Variants in INCENP observed in about 807,000 individuals in gnomAD.
The protein encoded by INCENP is inner centromere protein.
A neutral mutation model predicts 107.3 loss-of-function variants in INCENP; 43 were observed. The observed-to-expected ratio is 0.40, with a 90% CI of 0.31 to 0.52. INCENP has a LOEUF of 0.52. INCENP is among the 20% of genes least tolerant of loss of function. The pLI is 0.53. For synonymous variants in INCENP, 488 were observed against 494.4 expected (o/e 0.99, Z 0.17); for missense variants, 1,089 against 1,250.9 (o/e 0.87, Z 1.95).
chr11:62,149,271 A>G (rs550344717), intron 17 of INCENP, among the ~76,000 whole-genome samples: 52 of 151,566 alleles, frequency 3.4e-4, no homozygotes, highest in African/African-American at 1.3e-3. Context: ...GTTTTTTTTC[A>G]CTTAGTATAT....
rs1375951875 is a variant in INCENP, at chr11:62,133,082, C to T, written c.1063+2492C>T. 5.3e-5 allele frequency among the ~76,000 whole-genome samples: 8 copies of T among 152,030 alleles called. No homozygotes were observed. In the East Asian group the frequency reaches 9.7e-4, roughly 18 times the overall value. On this transcript the variant is annotated intron_variant, in intron 4 of 18. Coordinates refer to ENST00000394818, the MANE Select transcript of INCENP (RefSeq NM_001040694.2). The stretch of plus-strand genomic sequence containing the variant: ...GCTGCAAGGGTGTCAGGGAGTGGGG[C>T]GGTGACAGGGGAGGAGGCTTCCTGG...
chr11:62,124,680 GCCAAGAC>G (rs1943712279), intron 1 of INCENP, among the ~76,000 whole-genome samples: 2 of 152,232 alleles, frequency 1.3e-5, no homozygotes, highest in African/African-American at 4.8e-5. Flanking sequence ...GTTGCCCAGA[GCCAAGAC>G]TGGGCACCTG....
intron 15 of INCENP, among the ~76,000 whole-genome samples, chr11:62,148,011 A>G (rs1364680516): frequency 6.6e-6 from 1 of 152,134 alleles, no homozygotes; most frequent in African/African-American, 2.4e-5. Context: ...ACAGGTCCAG[A>G]GAGGTTAAAT....
In INCENP at chr11:62,146,878, A is replaced by G. The variant is rs1944263002; in HGVS notation, c.2180A>G (p.Glu727Gly). The G allele has an allele frequency of 6.3e-7, 1 of 1,598,114 alleles. No homozygotes were observed. The highest frequency in any genetic ancestry group is 1.7e-5 in the Admixed American group (1 of 58,740). Reference protein sequence around the residue: ...RQLAEQERRREQERLQAEREL... With the variant: ...RQLAEQERRRGQERLQAEREL... ...CTGGCAGAGCAGGAGCGTCGGCGGG[A>G]GCAGGAGCGGCTCCAGGCCGAGAGG... The change falls in exon 15 of 19, where the codon GAG (glutamate) becomes GGG (glycine). Residue 727 changes from glutamate (E) to glycine (G), a missense_variant. Glu to Gly is a moderately conservative substitution (Grantham distance 98, BLOSUM62 -2). Coordinates refer to ENST00000394818, the MANE Select transcript of INCENP (RefSeq NM_001040694.2).
intron 14 of INCENP, among the ~76,000 whole-genome samples, chr11:62,146,055 C>G (rs139341528): frequency 6.6e-6 from 1 of 152,322 alleles, no homozygotes; most frequent in Non-Finnish European, 1.5e-5. Context: ...GCTTCCATGT[C>G]TTCAAGTAGC....
At chr11:62,128,109 C>G in intron 1 of INCENP, 42 bp from the exon 2 acceptor site, 1 of 1,609,656 alleles carries the variant, frequency 6.2e-7, no homozygotes, top group Non-Finnish European at 8.5e-7. Context: ...AGACCCCTAC[C>G]CTGGGCCCCT....
chr11:62,144,792 G>A, intron 11 of INCENP, 190 bp from the exon 12 acceptor site: 1 of 764,698 alleles, frequency 1.3e-6, no homozygotes, highest in Non-Finnish European at 2.4e-6. Flanking sequence ...GCTCCTGGGA[G>A]GAAAGGCGGG....
chr11:62,137,262 C>T lies in INCENP; in HGVS notation c.1064-570C>T, dbSNP rs113959004. On this transcript the variant is annotated intron_variant, in intron 4 of 18. Coordinates refer to ENST00000394818, the MANE Select transcript of INCENP (RefSeq NM_001040694.2). ...TGGTTGCAGTGAGCTGAGATTGTTC[C>T]ACTACACACCAGCCTGGGCAACAGA... is the stretch of plus-strand genomic sequence containing the variant. 4.5e-3 allele frequency among the ~76,000 whole-genome samples: 681 copies of T among 152,260 alleles called. 4 individuals carry two copies. The highest frequency in any genetic ancestry group is 0.016 in the African/African-American group (653 of 41,530).
chr11:62,130,578 G>A lies in INCENP; in HGVS notation c.1051G>A (p.Gly351Ser), dbSNP rs775300731. 4 of 1,611,598 alleles carry A rather than the reference G, an allele frequency of 2.5e-6. No individual in the cohort carries two copies. The highest frequency in any genetic ancestry group is 3.4e-6 in the Non-Finnish European group (4 of 1,178,810). The change falls in exon 4 of 19, where the codon GGC becomes AGC. Residue 351 changes from glycine (G) to serine (S), a missense_variant. Transcript: ENST00000394818. ...KKTAEEPAASGRIICHSYLER... is the reference protein window; with the variant it reads ...KKTAEEPAASSRIICHSYLER... ...GACTGCCGAAGAGCCAGCTGCCTCT[G>A]GCCGCATCATCTGTGAGTCTGGGGG...
chr11:62,147,590 C>T (rs944362281), intron 15 of INCENP, among the ~76,000 whole-genome samples: 3 of 152,182 alleles, frequency 2.0e-5, no homozygotes, highest in Non-Finnish European at 2.9e-5. Context: ...GCACAAGGCC[C>T]GTGTGTGTGA....
chr11:62,127,039 T>G (rs920167757), intron 1 of INCENP, among the ~76,000 whole-genome samples: 51 of 92,844 alleles, frequency 5.5e-4, no homozygotes, highest in South Asian at 5.0e-3. Context: ...AAGTTTTTTG[T>G]TTTGTTTTTT....
At position 62,145,105 on chromosome 11, in the gene INCENP, C is replaced by T; in HGVS notation, c.1715+14C>T. 6.2e-7 allele frequency: 1 copy of T among 1,613,884 alleles called. No individual in the cohort carries two copies. The highest frequency in any genetic ancestry group is 2.2e-5 in the East Asian group (1 of 44,882). ...GGAGGTGAAGCTGTAAGTGGCCTGG[C>T]TTCCTGGACTGTGGCCCATCCCAGC... On this transcript the variant is annotated intron_variant, in intron 12 of 18. Coordinates refer to ENST00000394818, the MANE Select transcript of INCENP (RefSeq NM_001040694.2).
intron 10 of INCENP, among the ~76,000 whole-genome samples, 178 bp from the exon 11 acceptor site, chr11:62,141,322 T>C (rs1944117080): frequency 6.6e-6 from 1 of 152,098 alleles, no homozygotes; most frequent in Non-Finnish European, 1.5e-5. Context: ...TGAGAGGTAC[T>C]TGTGGACACC....
chr11:62,130,691 C>G, intron 4 of INCENP, 101 bp downstream of exon 4: 1 of 1,049,826 alleles, frequency 9.5e-7, no homozygotes, highest in Admixed American at 2.5e-5. Flanking sequence ...AGAGAGCTTT[C>G]TGCAGTGAGG....
chr11:62,145,584 T>C (rs577953934), intron 13 of INCENP, 45 bp from the exon 14 acceptor site: 14 of 1,566,620 alleles, frequency 8.9e-6, no homozygotes, highest in South Asian at 8.4e-5. Context: ...CTCTGCAGGA[T>C]TGAATGTGGG....
Position 62,128,304 on chromosome 11 carries a change from G to A in INCENP, c.140+3G>A, listed in dbSNP as rs771255730. ...GAGGCCGAGCGCATGTTCACCAGGT[G>A]AAGACGGGCACAGTGAGAGGCTGGG... On this transcript the variant is annotated splice_donor_region_variant and intron_variant, in intron 2 of 18. Coordinates refer to ENST00000394818, the MANE Select transcript of INCENP (RefSeq NM_001040694.2). 1 of 1,613,938 alleles carries A rather than the reference G, an allele frequency of 6.2e-7. No individual in the cohort carries two copies. Among genetic ancestry groups the A allele is most frequent in the African/African-American group, 1.3e-5 (1 of 74,942 alleles).
rs759740436 is a variant in INCENP, at chr11:62,129,919, C to T, written c.392C>T (p.Ala131Val). The change falls in exon 4 of 19, where the codon GCT becomes GTT. Residue 131 changes from alanine to valine, a missense_variant. Transcript: ENST00000394818. ...CGTGTGACCCGTGCTGCGGCTGCAGCTGCCGCGGCTACCATGGCATTGGCT... is the reference window on the plus strand; with the variant it reads ...CGTGTGACCCGTGCTGCGGCTGCAGTTGCCGCGGCTACCATGGCATTGGCT... ...LRRVTRAAAA[A>V]AAATMALAAP... 6.2e-7 allele frequency: 1 copy of T among 1,613,308 alleles called. No individual in the cohort carries two copies. Among genetic ancestry groups the T allele is most frequent in the African/African-American group, 1.3e-5 (1 of 74,918 alleles).
chr11:62,150,258 A>C (rs1290088762), intron 18 of INCENP, 51 bp downstream of exon 18: 3 of 1,591,140 alleles, frequency 1.9e-6, no homozygotes, highest in Non-Finnish European at 2.6e-6. Context: ...CCTGGTCCTC[A>C]CCTTGAGGGC....
intron 11 of INCENP, among the ~76,000 whole-genome samples, chr11:62,144,141 G>C (rs1021736575): frequency 6.6e-6 from 1 of 152,184 alleles, no homozygotes; most frequent in Non-Finnish European, 1.5e-5. Flanking sequence ...GCACCAGCCT[G>C]GCCAACATAG....
Sources: gnomAD v4.1 joint callset for allele counts (sites outside exome capture counted in the v4.1 genomes callset) on GRCh38, gnomAD v4.1.1 for gene constraint, MANE v1.5 for transcripts, NCBI Gene and HGNC (gene_info 2026-07-23, HGNC 2026-07-21) for gene names.